Variants in TRPM3 observed in about 807,000 individuals in gnomAD.
TRPM3 encodes the protein transient receptor potential cation channel subfamily M member 3.
In TRPM3, 77 loss-of-function variants were observed where a neutral mutation model predicts 181.2. The ratio of observed to expected loss-of-function variants is 0.42; its 90% CI spans 0.35 to 0.51. TRPM3 has a LOEUF of 0.51. Among genes scored for constraint, TRPM3 ranks in the 20% least tolerant of loss-of-function variants. The probability of loss-of-function intolerance (pLI) is 0.01; values close to 1 mark genes in which losing one functional copy is unlikely to be tolerated. For synonymous variants in TRPM3, 745 were observed against 796.4 expected (o/e 0.94, Z 1.09); for missense variants, 1,759 against 2,196.7 (o/e 0.80, Z 3.98).
At chr9:71,095,131 T>C (rs1408704946) in intron 1 of TRPM3, among the ~76,000 whole-genome samples, 1 of 152,172 alleles carries the variant, frequency 6.6e-6, no homozygotes, top group African/African-American at 2.4e-5. Flanking sequence ...GGAATAGGGA[T>C]CACAAGGCAT....
intron 1 of TRPM3, among the ~76,000 whole-genome samples, chr9:71,331,613 AAGG>A (rs2090116446): frequency 6.6e-6 from 1 of 150,790 alleles, no homozygotes; most frequent in South Asian, 2.1e-4. Flanking sequence ...TTCTAAAAAT[AAGG>A]AGAAGAAGGA....
intron 4 of TRPM3, among the ~76,000 whole-genome samples, chr9:70,843,998 A>C (rs904399959): frequency 6.6e-6 from 1 of 152,174 alleles, no homozygotes; most frequent in South Asian, 2.1e-4. Flanking sequence ...CTCCATTTGA[A>C]CATATTGCAG....
chr9:71,003,047 T>C (rs561379502), intron 1 of TRPM3, among the ~76,000 whole-genome samples: 1 of 152,194 alleles, frequency 6.6e-6, no homozygotes, highest in Non-Finnish European at 1.5e-5. Flanking sequence ...ATCTACTGGC[T>C]TTTATATTTC....
intron 1 of TRPM3, among the ~76,000 whole-genome samples, chr9:71,224,297 C>CAGT (rs1309272427): frequency 6.6e-6 from 1 of 152,248 alleles, no homozygotes; most frequent in Non-Finnish European, 1.5e-5. Flanking sequence ...ACCATCAAGA[C>CAGT]AGTATCTCTA....
intron 1 of TRPM3, among the ~76,000 whole-genome samples, chr9:71,138,064 A>G (rs778007870): frequency 1.6e-4 from 25 of 152,024 alleles, no homozygotes; most frequent in Non-Finnish European, 3.1e-4. Flanking sequence ...GAGTGAGCCG[A>G]GATCTTGCCA....
chr9:71,383,492 C>T (rs2092852200), intron 1 of TRPM3, among the ~76,000 whole-genome samples: 1 of 152,142 alleles, frequency 6.6e-6, no homozygotes, highest in African/African-American at 2.4e-5. Flanking sequence ...TCAGCTCCTG[C>T]TAATTAGGCT....
rs569586903 is a variant in TRPM3, at chr9:70,881,731, C to T, written c.178-17220G>A. ...GATGACATTGCAATGGTGCTTTTGG[C>T]CATTTCTGCATTTCTGCATTTCTGC... On this transcript the variant is annotated intron_variant, in intron 1 of 25. Transcript: ENST00000677713. Among the ~76,000 whole-genome samples, 249 of 152,308 alleles carry T rather than the reference C, an allele frequency of 1.6e-3. 1 individual carries two copies. The highest frequency in any genetic ancestry group is 2.1e-3 in the Non-Finnish European group (146 of 68,030).
chr9:70,787,763 C>CTTTTTTTTTTTTTTTTTTTTTGTTTTTT (rs2084071076), intron 6 of TRPM3, among the ~76,000 whole-genome samples: 6 of 68,554 alleles, frequency 8.8e-5, no homozygotes, highest in Admixed American at 1.8e-4. Flanking sequence ...TTTTTGGATT[C>CTTTTTTTTTTTTTTTTTTTTTGTTTTTT]TTTTTTTTTT....
At chr9:70,766,602 C>G (rs1483980880) in intron 7 of TRPM3, among the ~76,000 whole-genome samples, 1 of 151,914 alleles carries the variant, frequency 6.6e-6, no homozygotes, top group Admixed American at 6.6e-5. Context: ...TTATCATTTG[C>G]TAGAAGCCAA....
At chr9:71,377,522 G>C (rs4327920) in intron 1 of TRPM3, among the ~76,000 whole-genome samples, 65,067 of 151,870 alleles carry the variant, frequency 0.43, 14,117 homozygotes, top group South Asian at 0.53. Context: ...AGACAGTTCT[G>C]TAGCAAATCA....
chr9:70,551,864 A>G (rs1453253463), intron 24 of TRPM3, among the ~76,000 whole-genome samples: 1 of 152,170 alleles, frequency 6.6e-6, no homozygotes, highest in Non-Finnish European at 1.5e-5. Context: ...TGTGTTTCAG[A>G]TGGAAGCAGT....
At chr9:70,621,451 A>G (rs531032599) in intron 14 of TRPM3, among the ~76,000 whole-genome samples, 178 bp from the exon 15 acceptor site, 3 of 152,066 alleles carry the variant, frequency 2.0e-5, no homozygotes, top group Non-Finnish European at 4.4e-5. Flanking sequence ...TGCAGCCTCA[A>G]CCTCCCGGGC....
At chr9:70,808,875 A>G (rs1386094994) in intron 6 of TRPM3, among the ~76,000 whole-genome samples, 1 of 152,192 alleles carries the variant, frequency 6.6e-6, no homozygotes, top group African/African-American at 2.4e-5. Context: ...GCACCCACAG[A>G]AGGAAATAAG....
intron 1 of TRPM3, among the ~76,000 whole-genome samples, chr9:70,931,444 C>T (rs1206769124): frequency 1.3e-5 from 2 of 151,928 alleles, no homozygotes; most frequent in Non-Finnish European, 2.9e-5. Context: ...CTCTTGATGG[C>T]TGAAGTTGAT....
intron 1 of TRPM3, among the ~76,000 whole-genome samples, chr9:70,963,976 T>C (rs1053691470): frequency 3.3e-5 from 5 of 152,274 alleles, no homozygotes; most frequent in Admixed American, 1.3e-4. Flanking sequence ...TGGTGGTTTC[T>C]TCTTTTGGCT....
At chr9:71,168,254 T>C (rs2076632059) in intron 1 of TRPM3, among the ~76,000 whole-genome samples, 1 of 152,188 alleles carries the variant, frequency 6.6e-6, no homozygotes, top group South Asian at 2.1e-4. Flanking sequence ...TGAATATGCA[T>C]CTTATCTGCT....
intron 8 of TRPM3, among the ~76,000 whole-genome samples, chr9:70,759,538 T>A (rs4265245): frequency 0.22 from 33,230 of 152,134 alleles, 4,466 homozygotes; most frequent in Non-Finnish European, 0.3. Context: ...GCACAAGTAT[T>A]TTTATTGCAG....
chr9:71,385,059 G>A (rs1002174586), intron 1 of TRPM3, among the ~76,000 whole-genome samples: 10 of 151,950 alleles, frequency 6.6e-5, no homozygotes, highest in Non-Finnish European at 5.9e-5. Context: ...CTCCTTTAGC[G>A]AATGAAAACA....
At chr9:71,365,317 A>C (rs1414830583) in intron 1 of TRPM3, among the ~76,000 whole-genome samples, 1 of 152,226 alleles carries the variant, frequency 6.6e-6, no homozygotes, top group Non-Finnish European at 1.5e-5. Context: ...GCATGTAAAG[A>C]TTATAATGAA....
Sources: allele counts gnomAD v4.1 joint callset (sites outside exome capture counted in the v4.1 genomes callset), GRCh38; gene constraint gnomAD v4.1.1; transcripts MANE v1.5; gene names NCBI Gene and HGNC (gene_info 2026-07-23, HGNC 2026-07-21).